ANAPC16: variants seen among roughly 807,000 people sequenced by gnomAD.
ANAPC16 encodes anaphase promoting complex subunit 16, also known as anaphase-promoting complex subunit 16.
ANAPC16 carries 6 observed loss-of-function variants against 13.1 expected under a neutral mutation model. The observed-to-expected ratio is 0.46, with a 90% CI of 0.25 to 0.90. The LOEUF is 0.90. Ranked by LOEUF, ANAPC16 falls within the 40% of genes least tolerant of loss-of-function variation. ANAPC16 has a pLI of 0.18. For synonymous variants in ANAPC16, 55 were observed against 51.3 expected, an observed-to-expected ratio of 1.07 and a Z score of -0.31; for missense variants, 113 against 131.1, an observed-to-expected ratio of 0.86 and a Z score of 0.67.
chr10:72,224,561 C>T (rs1213011539), intron 2 of ANAPC16, among the ~76,000 whole-genome samples: 8 of 150,710 alleles, frequency 5.3e-5, no homozygotes, highest in Admixed American at 3.3e-4. Context: ...TGCCATGTGC[C>T]GAGATCTCGC....
chr10:72,230,279 G>A, intron 2 of ANAPC16, 87 bp from the exon 3 acceptor site: 1 of 1,007,214 alleles, frequency 9.9e-7, no homozygotes, highest in East Asian at 2.4e-5. Context: ...TGTACAAGCA[G>A]GGAAAAGAAT....
At position 72,233,899 on chromosome 10, in the gene ANAPC16, A is replaced by G. The variant is rs1006085567; in HGVS notation, c.*783A>G. On this transcript the variant is annotated 3_prime_UTR_variant, in exon 4 of 4. Transcript: ENST00000299381. ...TGAAGAGGTCAAATTACTTTTTAGA[A>G]GAAGGGAATCTAAAAACCATCTCTC... 21 of 152,452 alleles carry G rather than the reference A, an allele frequency of 1.4e-4. No individual in the cohort carries two copies. The highest frequency in any genetic ancestry group is 5.9e-5 in the Non-Finnish European group (4 of 68,038). 9.4% of individuals were successfully genotyped at this position (152,452 alleles called of 1,614,324 possible).
chr10:72,229,559 A>G (rs1222488386), intron 2 of ANAPC16, among the ~76,000 whole-genome samples: 1 of 152,186 alleles, frequency 6.6e-6, no homozygotes, highest in African/African-American at 2.4e-5. Flanking sequence ...GCAATAAGGT[A>G]CATCCCCCAA....
chr10:72,233,278 T>C lies in ANAPC16; in HGVS notation c.*162T>C, dbSNP rs1338388336. ...TATCTATTCACAGGCAACAAATACTTATATGTGTGATCTTTCAGGGAATGT... is the reference window on the plus strand; with the variant it reads ...TATCTATTCACAGGCAACAAATACTCATATGTGTGATCTTTCAGGGAATGT... On this transcript the variant is annotated 3_prime_UTR_variant, in exon 4 of 4. Coordinates refer to ENST00000299381, the MANE Select transcript of ANAPC16 (RefSeq NM_173473.4). The C allele has an allele frequency of 3.6e-6, 2 of 562,832 alleles. No individual in the cohort carries two copies. The highest frequency in any genetic ancestry group is 6.4e-6 in the Non-Finnish European group (2 of 314,048). 34.9% of individuals were successfully genotyped at this position (562,832 alleles called of 1,614,324 possible). A position where few individuals can be genotyped will look rare whatever the true frequency, so the allele number is the denominator to read the frequency against.
rs77011413 is a variant in ANAPC16 at position 72,228,151 on chromosome 10, G to A, written c.143-2215G>A. ...TTAATCTCAAAAGGTTCAACTTGAT[G>A]TTACATCCTTGTGAGTCTAGGATAG... On this transcript the variant is annotated intron_variant, in intron 2 of 3. Coordinates refer to ENST00000299381, the MANE Select transcript of ANAPC16 (RefSeq NM_173473.4). 5.7e-4 allele frequency among the ~76,000 whole-genome samples: 87 copies of A among 152,284 alleles called. No homozygotes were observed. In the East Asian group the frequency reaches 0.016, roughly 28 times the overall value.
At chr10:72,231,487 G>A (rs958098892) in intron 3 of ANAPC16, among the ~76,000 whole-genome samples, 5 of 152,072 alleles carry the variant, frequency 3.3e-5, no homozygotes, top group Non-Finnish European at 5.9e-5. Context: ...CTCCAGCCTT[G>A]GTGACAGAGT....
intron 3 of ANAPC16, among the ~76,000 whole-genome samples, chr10:72,232,348 T>C (rs1860341568): frequency 6.6e-6 from 1 of 151,442 alleles, no homozygotes; most frequent in Non-Finnish European, 1.5e-5. Context: ...AGTTCGAGAC[T>C]AGCCTGGCCA....
At chr10:72,229,299 C>T (rs1860223276) in intron 2 of ANAPC16, among the ~76,000 whole-genome samples, 1 of 141,734 alleles carries the variant, frequency 7.1e-6, no homozygotes. Flanking sequence ...TATTCAAGCT[C>T]TTTGGATACA....
intron 1 of ANAPC16, chr10:72,220,988 C>A (rs112584813): frequency 0.079 from 12,106 of 152,320 alleles, 1,281 homozygotes; most frequent in African/African-American, 0.23. Flanking sequence ...GCTATCTCGG[C>A]TCACTGCAAC....
chr10:72,230,393 C>G lies in ANAPC16; in HGVS notation c.170C>G (p.Ser57Cys). The change falls in exon 3 of 4, where the codon TCT (serine) becomes TGT (cysteine). Residue 57 changes from serine (S) to cysteine (C), a missense_variant. Transcript: ENST00000299381. ...GGCTCTGAGAGATTCCTCTGCGAAT[C>G]TGTTTTTAGCTATCAAGTGGCATCC... ...EDGSERFLCE[S>C]VFSYQVASTL... 5 of 1,614,080 alleles carry G rather than the reference C, an allele frequency of 3.1e-6. No homozygotes were observed. The highest frequency in any genetic ancestry group is 4.2e-6 in the Non-Finnish European group (5 of 1,179,996).
At chr10:72,220,444 A>T in intron 1 of ANAPC16, 1 of 151,996 alleles carries the variant, frequency 6.6e-6, no homozygotes, top group East Asian at 1.9e-4. Flanking sequence ...TGAGCCCAGG[A>T]GTTCATACCA....
intron 1 of ANAPC16, chr10:72,217,010 C>T: frequency 2.2e-6 from 1 of 454,882 alleles, no homozygotes; most frequent in South Asian, 1.6e-5. Context: ...CCTGCATGAC[C>T]TTTGCTGAGC....
chr10:72,221,284 T>G (rs1418754356), intron 1 of ANAPC16, among the ~76,000 whole-genome samples: 1 of 152,232 alleles, frequency 6.6e-6, no homozygotes, highest in Non-Finnish European at 1.5e-5. Context: ...TTTGCCATTT[T>G]AAAGTATACA....
At chr10:72,217,418 T>A (rs1419672202) in intron 1 of ANAPC16, among the ~76,000 whole-genome samples, 1 of 146,974 alleles carries the variant, frequency 6.8e-6, no homozygotes, top group Non-Finnish European at 1.5e-5. Context: ...GAGCTTGCAG[T>A]GAGCCGAGAT....
intron 3 of ANAPC16, 136 bp from the exon 4 acceptor site, chr10:72,232,865 A>G: frequency 1.5e-6 from 1 of 676,708 alleles, no homozygotes; most frequent in Admixed American, 2.5e-5. Flanking sequence ...CGGCCTCCCA[A>G]AGTGCTGGGA....
chr10:72,220,046 A>G (rs1298149404), intron 1 of ANAPC16: 3 of 152,108 alleles, frequency 2.0e-5, no homozygotes, highest in Non-Finnish European at 2.9e-5. Flanking sequence ...TTCAAAAAAC[A>G]TGGCCAGGTG....
At position 72,228,981 on chromosome 10, in the gene ANAPC16, A is replaced by G. The variant is rs141017350; in HGVS notation, c.143-1385A>G. ...TATAATTCCCACTGCCTTGTGTGTA[A>G]TCCTAAAGTTCAGGATCAAACCATC... On this transcript the variant is annotated intron_variant, in intron 2 of 3. Transcript: ENST00000299381. Among the ~76,000 whole-genome samples, 90 of 152,326 alleles carry G rather than the reference A, an allele frequency of 5.9e-4. No individual in the cohort carries two copies. The East Asian group carries it at 0.015, about 26-fold the overall frequency.
intron 1 of ANAPC16, among the ~76,000 whole-genome samples, chr10:72,216,621 T>C (rs1859400737): frequency 6.6e-6 from 1 of 152,040 alleles, no homozygotes; most frequent in African/African-American, 2.4e-5. Flanking sequence ...TAGGAACTTT[T>C]AAGGAATTAC....
intron 1 of ANAPC16, chr10:72,220,872 T>G (rs1859905174): frequency 6.7e-6 from 1 of 150,152 alleles, no homozygotes; most frequent in African/African-American, 2.4e-5. Flanking sequence ...AAAACTCAGC[T>G]AAAATTCTCT....
Sources: gnomAD v4.1 joint callset for allele counts (sites outside exome capture counted in the v4.1 genomes callset) on GRCh38, gnomAD v4.1.1 for gene constraint, MANE v1.5 for transcripts, NCBI Gene and HGNC (gene_info 2026-07-23, HGNC 2026-07-21) for gene names.